HADHB: variants seen among roughly 807,000 people sequenced by gnomAD.
HADHB encodes the protein hydroxyacyl-CoA dehydrogenase trifunctional multienzyme complex subunit beta.
In HADHB, 50 loss-of-function variants were observed where a neutral mutation model predicts 61.9. The observed-to-expected ratio is 0.81, with a 90% CI of 0.64 to 1.02. The LOEUF is 1.02. Ranked by LOEUF, HADHB falls within the 50% of genes least tolerant of loss-of-function variation. The probability of loss-of-function intolerance (pLI) is 0.00; values close to 1 mark genes in which losing one functional copy is unlikely to be tolerated. For synonymous variants in HADHB, 191 were observed against 201.6 expected (o/e 0.95, Z 0.45); for missense variants, 504 against 586.5 (o/e 0.86, Z 1.45).
At chr2:26,258,493 A>T (rs539449192) in intron 3 of HADHB, among the ~76,000 whole-genome samples, 1 of 152,234 alleles carries the variant, frequency 6.6e-6, no homozygotes, top group East Asian at 1.9e-4. Flanking sequence ...CCAAACAGGA[A>T]TGGCACTGGG....
chr2:26,262,803 A>C (rs916497513), intron 3 of HADHB, among the ~76,000 whole-genome samples: 4 of 152,058 alleles, frequency 2.6e-5, no homozygotes, highest in Non-Finnish European at 5.9e-5. Context: ...TCAAACACTT[A>C]GTAAAAATGA....
At chr2:26,279,388 G>T in intron 9 of HADHB, 73 bp downstream of exon 9, 1 of 1,059,676 alleles carries the variant, frequency 9.4e-7, no homozygotes, top group South Asian at 1.3e-5. Context: ...CATCCCGAGT[G>T]ATTTTTCCAT....
At chr2:26,273,456 A>C (rs1672426497) in intron 5 of HADHB, among the ~76,000 whole-genome samples, 195 bp from the exon 6 acceptor site, 2 of 152,122 alleles carry the variant, frequency 1.3e-5, no homozygotes, top group Admixed American at 1.3e-4. Flanking sequence ...TCAAATGTTG[A>C]CTTTTAAAAT....
At chr2:26,278,104 C>T (rs531366757) in intron 7 of HADHB, among the ~76,000 whole-genome samples, 5 of 152,152 alleles carry the variant, frequency 3.3e-5, no homozygotes, top group South Asian at 2.1e-4. Context: ...TCATGTGTGG[C>T]GGGGAATGAT....
At position 26,273,720 on chromosome 2, in the gene HADHB, G is replaced by A. The variant is rs746728406; in HGVS notation, c.324G>A (p.Gln108=). ...VDYIIFGTVI[Q]EVKTSNVARE... is the part of the protein sequence containing the mutation. ...ATATCATCTTTGGTACAGTTATTCA[G>A]GAAGTGAAAACAAGCAATGTGGCTA... Residue 108 remains glutamine, a synonymous_variant, in exon 6 of 16, where the codon CAG becomes CAA. Coordinates refer to ENST00000317799, the MANE Select transcript of HADHB (RefSeq NM_000183.3). The A allele has an allele frequency of 1.2e-6, 2 of 1,606,350 alleles. No homozygotes were observed. Among genetic ancestry groups the A allele is most frequent in the Admixed American group, 3.3e-5 (2 of 60,002 alleles).
chr2:26,284,583 C>T (rs1008545122), intron 13 of HADHB, among the ~76,000 whole-genome samples: 2 of 151,922 alleles, frequency 1.3e-5, no homozygotes, highest in Non-Finnish European at 1.5e-5. Flanking sequence ...TTGTCTCAGC[C>T]TCCCGAGTAG....
At chr2:26,245,483 A>G (rs778179974) in intron 1 of HADHB, 1 of 151,108 alleles carries the variant, frequency 6.6e-6, no homozygotes, top group African/African-American at 2.4e-5. Context: ...AGGAACGGAG[A>G]CAATCCTCCA....
rs115260309 is a variant in HADHB, at chr2:26,249,675, T to G, written c.-8-4572T>G. On this transcript the variant is annotated intron_variant, in intron 1 of 15. Coordinates refer to ENST00000317799, the MANE Select transcript of HADHB (RefSeq NM_000183.3). ...GGTGTTAGCTCTATCTTAGCCTAGC[T>G]TTGTTAATGTTTGCAAATTGCTGTA... is the stretch of plus-strand genomic sequence containing the variant. 4.0e-3 allele frequency among the ~76,000 whole-genome samples: 602 copies of G among 151,920 alleles called. 2 individuals are homozygous for G. The highest frequency in any genetic ancestry group is 0.014 in the African/African-American group (576 of 41,436).
In HADHB at chr2:26,248,305, G is replaced by C. The variant is rs56785851; in HGVS notation, c.-9+3315G>C. ...TGTTTATACTATAACTTACTTAACT[G>C]TTTCCTACTGATGTGCATTTAGATT... On this transcript the variant is annotated intron_variant, in intron 1 of 15. Coordinates refer to ENST00000317799, the MANE Select transcript of HADHB (RefSeq NM_000183.3). 5.6e-3 allele frequency among the ~76,000 whole-genome samples: 853 copies of C among 151,684 alleles called. 6 individuals carry two copies. Among genetic ancestry groups the C allele is most frequent in the African/African-American group, 0.02 (827 of 41,370 alleles).
At chr2:26,287,978 C>T (rs1673107649) in intron 15 of HADHB, among the ~76,000 whole-genome samples, 1 of 152,066 alleles carries the variant, frequency 6.6e-6, no homozygotes, top group Non-Finnish European at 1.5e-5. Flanking sequence ...AAAATAAAGC[C>T]AGAGAGGGCT....
rs1050946785 is a variant in HADHB, at chr2:26,265,597, A to G, written c.209+2118A>G. Among the ~76,000 whole-genome samples the G allele has an allele frequency of 7.2e-5, 11 of 151,738 alleles. No homozygotes were observed. The East Asian group carries it at 2.1e-3, about 29-fold the overall frequency. On this transcript the variant is annotated intron_variant, in intron 4 of 15. Coordinates refer to ENST00000317799, the MANE Select transcript of HADHB (RefSeq NM_000183.3). ...GGTGACAGAGCAAAACTCCATCTCA[A>G]AACAACAACAACAACAACAACAACA...
chr2:26,260,081 GTT>G (rs35276756), intron 3 of HADHB, among the ~76,000 whole-genome samples: 11 of 133,512 alleles, frequency 8.2e-5, no homozygotes, highest in Non-Finnish European at 1.1e-4. Flanking sequence ...GTTTTTTCTG[GTT>G]TTTTTTTTTT....
At chr2:26,253,905 A>AAAT (rs1558341660) in intron 1 of HADHB, among the ~76,000 whole-genome samples, 22 of 108,660 alleles carry the variant, frequency 2.0e-4, no homozygotes, top group Non-Finnish European at 3.1e-4. Context: ...AATAAATAAA[A>AAAT]ATTCCAGCTC....
intron 10 of HADHB, among the ~76,000 whole-genome samples, chr2:26,282,551 G>A (rs778997730): frequency 2.6e-5 from 4 of 152,186 alleles, no homozygotes; most frequent in Non-Finnish European, 5.9e-5. Context: ...ACAGGCATGA[G>A]CCACCACGCT....
At chr2:26,277,515 G>A (rs1340614429) in intron 7 of HADHB, among the ~76,000 whole-genome samples, 5 of 152,138 alleles carry the variant, frequency 3.3e-5, no homozygotes, top group Non-Finnish European at 2.9e-5. Flanking sequence ...GATTACAGGC[G>A]TGAGCCACCA....
At chr2:26,262,888 T>A (rs1475566171) in intron 3 of HADHB, among the ~76,000 whole-genome samples, 1 of 152,196 alleles carries the variant, frequency 6.6e-6, no homozygotes, top group East Asian at 1.9e-4. Flanking sequence ...ATTTAGAAAC[T>A]TACAAATGCT....
intron 14 of HADHB, 79 bp from the exon 15 acceptor site, chr2:26,285,324 TCTTA>T: frequency 4.2e-6 from 5 of 1,197,858 alleles, no homozygotes; most frequent in South Asian, 3.7e-5. Context: ...CCTCTATCTC[TCTTA>T]CTTCGTAGTA....
chr2:26,279,571 T>G (rs1192878044), intron 9 of HADHB, among the ~76,000 whole-genome samples: 2 of 151,866 alleles, frequency 1.3e-5, no homozygotes, highest in African/African-American at 2.4e-5. Flanking sequence ...GGAGGATCGC[T>G]TGAGGCCAGG....
intron 6 of HADHB, among the ~76,000 whole-genome samples, chr2:26,275,331 C>T (rs1672498296): frequency 6.6e-6 from 1 of 152,166 alleles, no homozygotes; most frequent in Non-Finnish European, 1.5e-5. Flanking sequence ...TAAAAGGCTC[C>T]TGGTGTTCAT....
Sources: gnomAD v4.1 joint callset for allele counts (sites outside exome capture counted in the v4.1 genomes callset) on GRCh38, gnomAD v4.1.1 for gene constraint, MANE v1.5 for transcripts, NCBI Gene and HGNC (gene_info 2026-07-23, HGNC 2026-07-21) for gene names.